Variants in TSC2 observed in about 807,000 individuals in gnomAD.
The protein encoded by TSC2 is tuberin.
TSC2 carries 29 observed loss-of-function variants against 202.2 expected under a neutral mutation model. That is an observed-to-expected ratio of 0.14 (90% CI 0.11 to 0.20). TSC2 has a LOEUF of 0.20. Ranked by LOEUF, TSC2 falls within the 10% of genes least tolerant of loss-of-function variation. The pLI, the probability that TSC2 is intolerant of heterozygous loss-of-function variation, is 1.00. For synonymous variants in TSC2, 1,349 were observed against 1,044.0 expected (o/e 1.29, Z -5.63); for missense variants, 2,429 against 2,420.0 (o/e 1.00, Z -0.08).
At chr16:2,049,240 C>G (rs2084777262) in intron 2 of TSC2, among the ~76,000 whole-genome samples, 1 of 151,988 alleles carries the variant, frequency 6.6e-6, no homozygotes, top group South Asian at 2.1e-4. Context: ...CACGTGCCAC[C>G]ACACCCATTT....
intron 32 of TSC2, 141 bp from the exon 33 acceptor site, chr16:2,083,554 A>G (rs1167342676): frequency 1.4e-6 from 2 of 1,421,614 alleles, no homozygotes; most frequent in East Asian, 2.5e-5. Flanking sequence ...CGCTCGGTGG[A>G]TGGCAGCAGT....
At chr16:2,084,909 C>T (rs1377762759) in intron 34 of TSC2, 42 bp from the exon 35 acceptor site, 1 of 1,611,316 alleles carries the variant, frequency 6.2e-7, no homozygotes, top group Non-Finnish European at 8.5e-7. Flanking sequence ...GCTGCCCTGG[C>T]CAGGCCCTCA....
intron 22 of TSC2, 32 bp downstream of exon 22, chr16:2,074,421 G>A (rs374013249): frequency 9.4e-6 from 15 of 1,604,208 alleles, no homozygotes; most frequent in African/African-American, 9.3e-5. Flanking sequence ...GCATGCACCC[G>A]AGAGGTTCGG....
chr16:2,068,915 T>C (rs915351253), intron 16 of TSC2: 1 of 150,412 alleles, frequency 6.6e-6, no homozygotes, highest in Non-Finnish European at 1.5e-5. Context: ...CGAAAATACA[T>C]TTCCTGTTCC....
rs28735816 is a variant in TSC2, at chr16:2,055,846, G to A, written c.599+327G>A. On this transcript the variant is annotated intron_variant, in intron 6 of 41. Coordinates refer to ENST00000219476, the MANE Select transcript of TSC2 (RefSeq NM_000548.5). ...GCAGAGGTTGCAGTGAGCGGAGATC[G>A]TGCCACTGCACTCCAGCCTGGGTGA... The A allele has an allele frequency of 2.5e-3, 1,124 of 455,104 alleles. 9 individuals are homozygous for A. The highest frequency in any genetic ancestry group is 0.021 in the African/African-American group (1,016 of 48,084). The allele number at this position is 455,104 out of a possible 1,614,324, so 28.2% of individuals were successfully genotyped here.
At chr16:2,080,583 A>C in intron 30 of TSC2, 1 of 624,104 alleles carries the variant, frequency 1.6e-6, no homozygotes. Context: ...TCCCGGGTTC[A>C]CGCCATTCTC....
At chr16:2,076,886 C>G (rs1356893338) in intron 25 of TSC2, among the ~76,000 whole-genome samples, 1 of 152,168 alleles carries the variant, frequency 6.6e-6, no homozygotes, top group Non-Finnish European at 1.5e-5. Context: ...TGGGGCTGCC[C>G]CCTCCTCTGC....
intron 32 of TSC2, chr16:2,083,123 T>C (rs2151501072): frequency 2.2e-6 from 1 of 455,704 alleles, no homozygotes; most frequent in East Asian, 6.9e-5. Flanking sequence ...CCGGGGGCTG[T>C]GATGGTCCCC....
At position 2,086,138 on chromosome 16, in the gene TSC2, G is replaced by C. The variant is rs1000386933; in HGVS notation, c.4663-55G>C. On this transcript the variant is annotated intron_variant, in intron 36 of 41. Transcript: ENST00000219476. ...CCTGCTGGGCACCCCCACCCTCTGC[G>C]GGGCAGGGCCCGGCCCGGGAGTGAT... 6.2e-6 allele frequency: 10 copies of C among 1,605,536 alleles called. No individual in the cohort carries two copies. The African/African-American group carries it at 1.1e-4, about 17-fold the overall frequency.
At chr16:2,048,466 G>A (rs1452411612) in intron 1 of TSC2, 121 bp from the exon 2 acceptor site, 21 of 1,255,868 alleles carry the variant, frequency 1.7e-5, no homozygotes, top group Non-Finnish European at 2.4e-5. Flanking sequence ...TTCTCCCAGG[G>A]AGTGTGGGAG....
In TSC2 at chr16:2,061,776, G is replaced by T. The variant is rs143182666; in HGVS notation, c.1120-95G>T. On this transcript the variant is annotated intron_variant, in intron 11 of 41. Transcript: ENST00000219476. The stretch of plus-strand genomic sequence containing the variant: ...CCCAGAGCGGCCTGAGAGGGCTGAG[G>T]GTGTCTCCATGCGGTGGGTGTGTAG... 108 of 1,602,218 alleles carry T rather than the reference G, an allele frequency of 6.7e-5. No individual in the cohort carries two copies. The African/African-American group carries it at 1.4e-3, about 20-fold the overall frequency.
In TSC2 at chr16:2,088,741, T is replaced by C. The variant is rs970202456; in HGVS notation, c.*131T>C. ...AGACAGCTCTTTTATTGACTTTGTCTGCTTGGTGCGGGGGTTGGGGGGGTG... is the reference window on the plus strand; with the variant it reads ...AGACAGCTCTTTTATTGACTTTGTCCGCTTGGTGCGGGGGTTGGGGGGGTG... On this transcript the variant is annotated 3_prime_UTR_variant, in exon 42 of 42. Transcript: ENST00000219476. 3.1e-6 allele frequency: 4 copies of C among 1,304,650 alleles called. No individual in the cohort carries two copies. Among genetic ancestry groups the C allele is most frequent in the Non-Finnish European group, 4.2e-6 (4 of 955,688 alleles). The allele number at this position is 1,304,650 out of a possible 1,614,324, so 80.8% of individuals were successfully genotyped here.
intron 17 of TSC2, 40 bp downstream of exon 17, chr16:2,070,618 C>T (rs2088161374): frequency 1.2e-6 from 2 of 1,612,352 alleles, no homozygotes; most frequent in African/African-American, 1.3e-5. Flanking sequence ...CCTGGGGGCC[C>T]AGCCAGGTAT....
At chr16:2,057,073 T>C (rs2085944399) in intron 8 of TSC2, 32 bp from the exon 9 acceptor site, 1 of 1,549,874 alleles carries the variant, frequency 6.5e-7, no homozygotes, top group African/African-American at 1.4e-5. Flanking sequence ...GGCTTATGCC[T>C]GCCAGCCCCT....
Position 2,080,571 on chromosome 16 carries a change from C to T in TSC2, c.3610+194C>T, listed in dbSNP as rs2090007500. The T allele has an allele frequency of 1.4e-5, 9 of 659,356 alleles. No homozygotes were observed. The Admixed American group carries it at 2.1e-4, about 15-fold the overall frequency. 40.8% of individuals were successfully genotyped at this position (659,356 alleles called of 1,614,324 possible). A position where few individuals can be genotyped will look rare whatever the true frequency, so the allele number is the denominator to read the frequency against. On this transcript the variant is annotated intron_variant, in intron 30 of 41. Transcript: ENST00000219476. ...CAATCTCGGCTCACTGCAAGCTCCA[C>T]CTCCCGGGTTCACGCCATTCTCCTG...
Position 2,074,041 on chromosome 16 carries a change from T to G in TSC2, c.2356-159T>G, listed in dbSNP as rs190477490. The stretch of plus-strand genomic sequence containing the variant: ...CCGGAGCAGTCTGCTGTGCAGAGTC[T>G]GCTCGGGTAGCTCAGCACTGCTGGC... On this transcript the variant is annotated intron_variant, in intron 21 of 41. Transcript: ENST00000219476. 5.6e-4 allele frequency among the ~76,000 whole-genome samples: 85 copies of G among 152,390 alleles called. 1 individual carries two copies. Among genetic ancestry groups the G allele is most frequent in the Middle Eastern group, 6.8e-3 (2 of 294 alleles).
chr16:2,065,326 T>C (rs946901059), intron 15 of TSC2, 193 bp from the exon 16 acceptor site: 4 of 593,004 alleles, frequency 6.7e-6, no homozygotes, highest in South Asian at 5.4e-5. Flanking sequence ...GGCAGGAGAA[T>C]GGCGTGAACC....
At chr16:2,080,547 A>ATG in intron 30 of TSC2, 170 bp downstream of exon 30, 1 of 753,380 alleles carries the variant, frequency 1.3e-6, no homozygotes, top group South Asian at 1.9e-5. Flanking sequence ...GCAGTGGCGC[A>ATG]ATCTCGGCTC....
At chr16:2,071,423 C>A in intron 17 of TSC2, 87 bp from the exon 18 acceptor site, 1 of 1,399,224 alleles carries the variant, frequency 7.1e-7, no homozygotes, top group South Asian at 1.2e-5. Flanking sequence ...GCCTGTGGTG[C>A]TGGACGTGGG....
Sources: gnomAD v4.1 joint callset for allele counts (sites outside exome capture counted in the v4.1 genomes callset) on GRCh38, gnomAD v4.1.1 for gene constraint, MANE v1.5 for transcripts, NCBI Gene and HGNC (gene_info 2026-07-23, HGNC 2026-07-21) for gene names.